Variants in KDM4C observed in about 807,000 individuals in gnomAD.
KDM4C encodes lysine-specific demethylase 4C.
KDM4C carries 81 observed loss-of-function variants against 129.3 expected under a neutral mutation model. That is an observed-to-expected ratio of 0.63 (90% confidence interval 0.52 to 0.75). The LOEUF (loss-of-function observed/expected upper bound fraction) is 0.75, where lower values mean the gene tolerates loss of function less well. Among genes scored for constraint, KDM4C ranks in the 30% least tolerant of loss-of-function variants. The pLI is 0.00. For missense variants in KDM4C, 1,457 were observed against 1,304.0 expected (o/e 1.12, Z -1.81); for synonymous variants, 573 against 456.1 (o/e 1.26, Z -3.26).
At position 6,955,349 on chromosome 9, in the gene KDM4C, T is replaced by C. The variant is rs1306603217; in HGVS notation, c.922-25576T>C. On this transcript the variant is annotated intron_variant, in intron 8 of 21. Coordinates refer to ENST00000381309, the MANE Select transcript of KDM4C (RefSeq NM_015061.6). The stretch of plus-strand genomic sequence containing the variant: ...TGTCAGTAGGTTTTGGTTTTACCTT[T>C]GAATAGAGACAAAGCTGTTTGCTGT... 2.6e-5 allele frequency among the ~76,000 whole-genome samples: 4 copies of C among 152,264 alleles called. No homozygotes were observed. The East Asian group carries it at 7.7e-4, about 29-fold the overall frequency.
In KDM4C at chr9:7,013,871, C is replaced by A. The variant is rs190601886; in HGVS notation, c.2052C>A (p.Pro684=). The A allele has an allele frequency of 4.3e-6, 7 of 1,613,882 alleles. No individual in the cohort carries two copies. In the Admixed American group the frequency reaches 1.2e-4, roughly 27 times the overall value. The change falls in exon 14 of 22, where the codon CCC becomes CCA. Residue 684 remains proline, a synonymous_variant. Coordinates refer to ENST00000381309, the MANE Select transcript of KDM4C (RefSeq NM_015061.6). ...EVVTSEGKTK[P]LIPEMCFIYS... is the part of the protein sequence containing the mutation. ...TTACATCGGAGGGAAAGACTAAGCCCCTCATACCAGAGATGTGTTTTATTT... is the reference window on the plus strand; with the variant it reads ...TTACATCGGAGGGAAAGACTAAGCCACTCATACCAGAGATGTGTTTTATTT...
At chr9:7,052,901 G>GAGAGAGAGAGA (rs71315575) in intron 17 of KDM4C, among the ~76,000 whole-genome samples, 1 of 150,492 alleles carries the variant, frequency 6.6e-6, no homozygotes, top group African/African-American at 2.4e-5. Flanking sequence ...GAGAGAGAGA[G>GAGAGAGAGAGA]CGAGCGAGTG....
intron 1 of KDM4C, among the ~76,000 whole-genome samples, chr9:6,785,046 A>C (rs192048134): frequency 1.3e-4 from 20 of 152,308 alleles, no homozygotes; most frequent in African/African-American, 4.8e-4. Flanking sequence ...CTGGCCCTTC[A>C]TGCCTGTATT....
chr9:7,085,117 G>C (rs1450186723), intron 17 of KDM4C, among the ~76,000 whole-genome samples: 2 of 152,230 alleles, frequency 1.3e-5, no homozygotes, highest in Non-Finnish European at 2.9e-5. Context: ...AAGGCACTCA[G>C]CACAGCAGAG....
intron 1 of KDM4C, among the ~76,000 whole-genome samples, chr9:6,747,507 C>T (rs1405703715): frequency 7.3e-6 from 1 of 137,150 alleles, no homozygotes; most frequent in Admixed American, 8.0e-5. Flanking sequence ...GAGATCGCGC[C>T]ACTGCACTCC....
At chr9:7,110,676 G>A (rs1374650599) in intron 18 of KDM4C, among the ~76,000 whole-genome samples, 4 of 152,144 alleles carry the variant, frequency 2.6e-5, no homozygotes, top group Non-Finnish European at 5.9e-5. Context: ...TAAGAGCAAA[G>A]TTTACAGTTC....
chr9:6,837,628 G>A (rs191634800), intron 4 of KDM4C, among the ~76,000 whole-genome samples: 6 of 151,896 alleles, frequency 4.0e-5, no homozygotes, highest in South Asian at 2.1e-4. Flanking sequence ...TGTCTTTATC[G>A]GCCATTCATA....
chr9:6,959,179 A>T (rs1310630358), intron 8 of KDM4C, among the ~76,000 whole-genome samples: 1 of 152,220 alleles, frequency 6.6e-6, no homozygotes, highest in African/African-American at 2.4e-5. Flanking sequence ...GAAGTAGGTG[A>T]GAAGAGGAGC....
chr9:6,825,921 C>T (rs1588526906), intron 4 of KDM4C, among the ~76,000 whole-genome samples: 1 of 152,192 alleles, frequency 6.6e-6, no homozygotes, highest in East Asian at 1.9e-4. Flanking sequence ...GGTGATCCTT[C>T]CACCTCAGCC....
At chr9:6,996,368 A>AT in intron 12 of KDM4C, among the ~76,000 whole-genome samples, 1 of 152,222 alleles carries the variant, frequency 6.6e-6, no homozygotes, top group Admixed American at 6.5e-5. Context: ...CTCATGGTGC[A>AT]TTGTTTGTTC....
Position 7,013,930 on chromosome 9 carries a change from A to T in KDM4C, c.2111A>T (p.Asn704Ile), listed in dbSNP as rs200905830. Residue 704 changes from asparagine (N) to isoleucine (I), a missense_variant, in exon 14 of 22, where the codon AAT (asparagine) becomes ATT (isoleucine). Coordinates refer to ENST00000381309, the MANE Select transcript of KDM4C (RefSeq NM_015061.6). The part of the protein sequence containing the change: ...SEENIEYSPP[N>I]AFLEEDGTSL... ...GAAAATATAGAATATTCTCCACCCA[A>T]TGCCTTCCTTGAAGAGGATGGAACA... The T allele has an allele frequency of 6.2e-7, 1 of 1,613,908 alleles. No homozygotes were observed. Among genetic ancestry groups the T allele is most frequent in the Admixed American group, 1.7e-5 (1 of 60,002 alleles).
At position 6,814,621 on chromosome 9, in the gene KDM4C, C is replaced by T. The variant is rs372686531; in HGVS notation, c.321-10C>T. The T allele has an allele frequency of 1.2e-5, 18 of 1,536,086 alleles. No homozygotes were observed. The highest frequency in any genetic ancestry group is 1.6e-5 in the Non-Finnish European group (18 of 1,120,708). ...CTGGTTTGTACATTTTTGTCATCTA[C>T]CTTTTACAGATATTGTACTCCAAGA... is the stretch of plus-strand genomic sequence containing the variant. On this transcript the variant is annotated splice_polypyrimidine_tract_variant and intron_variant, in intron 3 of 21. Transcript: ENST00000381309.
intron 2 of KDM4C, among the ~76,000 whole-genome samples, chr9:6,804,040 C>G (rs905242629): frequency 3.9e-5 from 6 of 152,186 alleles, no homozygotes; most frequent in Admixed American, 3.9e-4. Flanking sequence ...CTAGGCTGGT[C>G]TAGAACTCCT....
rs1005372680 is a variant in KDM4C at position 6,729,948 on chromosome 9, A to G, written c.49+8951A>G. 3.7e-5 allele frequency among the ~76,000 whole-genome samples: 5 copies of G among 133,534 alleles called. 2 individuals are homozygous for G. Among genetic ancestry groups the G allele is most frequent in the Admixed American group, 2.4e-4 (3 of 12,532 alleles). The allele number at this position is 133,534 out of a possible 152,430, so 87.6% of individuals were successfully genotyped here. On this transcript the variant is annotated intron_variant, in intron 1 of 17. Coordinates refer to the KDM4C transcript ENST00000536108. ...AACATGGCGAAAATTAATCTCTACTAAATATACAAAAATTAGCTGGATGCG... is the reference window on the plus strand; with the variant it reads ...AACATGGCGAAAATTAATCTCTACTGAATATACAAAAATTAGCTGGATGCG...
intron 12 of KDM4C, among the ~76,000 whole-genome samples, chr9:7,008,566 A>G (rs1210692227): frequency 6.6e-6 from 1 of 152,174 alleles, no homozygotes; most frequent in Non-Finnish European, 1.5e-5. Flanking sequence ...GTACAGGTCT[A>G]CCATAGAAGA....
chr9:6,744,694 C>G (rs1388679116), intron 1 of KDM4C, among the ~76,000 whole-genome samples: 3 of 152,158 alleles, frequency 2.0e-5, no homozygotes, highest in African/African-American at 7.2e-5. Flanking sequence ...CACCCTCAGC[C>G]AACAGCTTAA....
At chr9:6,807,334 T>C (rs1457995025) in intron 3 of KDM4C, among the ~76,000 whole-genome samples, 4 of 144,426 alleles carry the variant, frequency 2.8e-5, no homozygotes, top group Non-Finnish European at 3.0e-5. Context: ...TGTCTCTGCC[T>C]GGCCGCCCAT....
At chr9:6,967,171 C>T (rs1831133667) in intron 8 of KDM4C, among the ~76,000 whole-genome samples, 1 of 152,154 alleles carries the variant, frequency 6.6e-6, no homozygotes, top group East Asian at 1.9e-4. Context: ...CACCTGTAAT[C>T]CCAGCACTTG....
At position 6,758,460 on chromosome 9, in the gene KDM4C, G is replaced by C. The variant is rs903581950; in HGVS notation, c.-18+257G>C. 8.5e-5 allele frequency among the ~76,000 whole-genome samples: 13 copies of C among 152,226 alleles called. No individual in the cohort carries two copies. Among genetic ancestry groups the C allele is most frequent in the Non-Finnish European group, 1.8e-4 (12 of 68,036 alleles). On this transcript the variant is annotated intron_variant, in intron 1 of 21. Coordinates refer to ENST00000381309, the MANE Select transcript of KDM4C (RefSeq NM_015061.6). The surrounding 1 kb of genome is among the most constrained non-coding windows in gnomAD (Gnocchi z 4.6). Reference sequence around the variant, plus strand: ...TTACCGAGGTTCGGTACCCGCGCTCGCCGTTTTCCCGGGATCCGGAGTCGG... The same window carrying C: ...TTACCGAGGTTCGGTACCCGCGCTCCCCGTTTTCCCGGGATCCGGAGTCGG...
Sources: allele counts gnomAD v4.1 joint callset (sites outside exome capture counted in the v4.1 genomes callset), GRCh38; gene constraint gnomAD v4.1.1; non-coding constraint Gnocchi (gnomAD v3.1); transcripts MANE v1.5; gene names NCBI Gene and HGNC (gene_info 2026-07-23, HGNC 2026-07-21).